ZDHHC17: variants seen among roughly 807,000 people sequenced by gnomAD.
ZDHHC17 encodes the protein palmitoyltransferase ZDHHC17.
In ZDHHC17, 40 loss-of-function variants were observed where a neutral mutation model predicts 90.3. The observed-to-expected ratio is 0.44, with a 90% CI of 0.34 to 0.58. The LOEUF (loss-of-function observed/expected upper bound fraction) is 0.58. Among genes scored for constraint, ZDHHC17 ranks in the 20% least tolerant of loss-of-function variants. The pLI is 0.01. For missense variants in ZDHHC17, 614 were observed against 780.8 expected, an observed-to-expected ratio of 0.79 and a Z score of 2.55; for synonymous variants, 235 against 252.4, an observed-to-expected ratio of 0.93 and a Z score of 0.65.
intron 10 of ZDHHC17, among the ~76,000 whole-genome samples, chr12:76,837,703 G>T (rs1288821249): frequency 2.6e-5 from 4 of 152,122 alleles, no homozygotes; most frequent in Non-Finnish European, 5.9e-5. Context: ...GAAATTTTCT[G>T]TTAGGATCTC....
intron 10 of ZDHHC17, 29 bp from the exon 11 acceptor site, chr12:76,841,953 G>A: frequency 7.0e-7 from 1 of 1,419,008 alleles, no homozygotes. Context: ...ATTTATCATT[G>A]CTTCTTTAGA....
At position 76,787,459 on chromosome 12, in the gene ZDHHC17, G is replaced by A. The variant is rs373199108; in HGVS notation, c.94-9975G>A. Reference sequence around the variant, plus strand: ...ATATTTGAATAAGGATGATTGAACAGCTTTATGATGAAGAAACACTAAATA... The same window carrying A: ...ATATTTGAATAAGGATGATTGAACAACTTTATGATGAAGAAACACTAAATA... On this transcript the variant is annotated intron_variant, in intron 1 of 16. Coordinates refer to ENST00000426126, the MANE Select transcript of ZDHHC17 (RefSeq NM_015336.4). Among the ~76,000 whole-genome samples the A allele has an allele frequency of 1.5e-4, 23 of 152,254 alleles. No homozygotes were observed. In the South Asian group the frequency reaches 4.8e-3, roughly 32 times the overall value.
chr12:76,768,743 T>C (rs530617669), intron 1 of ZDHHC17, among the ~76,000 whole-genome samples: 1 of 152,282 alleles, frequency 6.6e-6, no homozygotes, highest in South Asian at 2.1e-4. Context: ...CTCAGCTCTT[T>C]GATAGAATGA....
chr12:76,783,223 A>C (rs1254487693), intron 1 of ZDHHC17, among the ~76,000 whole-genome samples: 5 of 152,234 alleles, frequency 3.3e-5, no homozygotes, highest in Non-Finnish European at 7.3e-5. Flanking sequence ...AACTCCAGTC[A>C]TGTGTATTAG....
intron 7 of ZDHHC17, among the ~76,000 whole-genome samples, chr12:76,819,987 A>T (rs10862579): frequency 1.4e-5 from 2 of 148,128 alleles, no homozygotes; most frequent in Non-Finnish European, 3.0e-5. Context: ...GAGTGAAACT[A>T]TGTCTTAAAA....
intron 10 of ZDHHC17, 72 bp downstream of exon 10, chr12:76,828,562 G>C: frequency 7.6e-7 from 1 of 1,314,510 alleles, no homozygotes; most frequent in Non-Finnish European, 1.1e-6. Context: ...TTAATAATTT[G>C]ACATTAGGAC....
At chr12:76,803,229 A>G (rs1198932597) in intron 2 of ZDHHC17, among the ~76,000 whole-genome samples, 2 of 152,124 alleles carry the variant, frequency 1.3e-5, no homozygotes, top group Non-Finnish European at 1.5e-5. Context: ...CTCCAGCCTC[A>G]GTGACAGACT....
At chr12:76,803,702 T>C (rs2137754453) in intron 2 of ZDHHC17, among the ~76,000 whole-genome samples, 1 of 152,312 alleles carries the variant, frequency 6.6e-6, no homozygotes, top group South Asian at 2.1e-4. Context: ...ACAAATTCTT[T>C]TAATCCCGTT....
chr12:76,788,688 A>ATAT lies in ZDHHC17; in HGVS notation c.94-8745_94-8744insATT, dbSNP rs61663401. ...AAAATATATTTAAGTTGGAATCGCA[A>ATAT]TTTTTTTTTTTTTTTTTTTTTTTTT... On this transcript the variant is annotated intron_variant, in intron 1 of 16. Coordinates refer to ENST00000426126, the MANE Select transcript of ZDHHC17 (RefSeq NM_015336.4). 1.8e-3 allele frequency among the ~76,000 whole-genome samples: 180 copies of ATAT among 98,658 alleles called. 31 individuals carry two copies. The South Asian group carries it at 0.028, about 15-fold the overall frequency. 64.7% of individuals were successfully genotyped at this position (98,658 alleles called of 152,430 possible). A position where few individuals can be genotyped will look rare whatever the true frequency, so the allele number is the denominator to read the frequency against.
At chr12:76,848,607 C>A (rs1953523491) in intron 15 of ZDHHC17, among the ~76,000 whole-genome samples, 2 of 152,144 alleles carry the variant, frequency 1.3e-5, no homozygotes, top group African/African-American at 4.8e-5. Context: ...AAATTTTAAT[C>A]TGTTATTCCT....
In ZDHHC17 at chr12:76,853,221, C is replaced by T. The variant is rs1303623115; in HGVS notation, c.*2236C>T. 1 of 152,222 alleles carries T rather than the reference C, an allele frequency of 6.6e-6. No individual in the cohort carries two copies. Among genetic ancestry groups the T allele is most frequent in the Admixed American group, 6.5e-5 (1 of 15,276 alleles). The allele number at this position is 152,222 out of a possible 1,614,324, so 9.4% of individuals were successfully genotyped here. On this transcript the variant is annotated 3_prime_UTR_variant, in exon 17 of 17. Transcript: ENST00000426126. ...CTTGTAGTACCTGTGAAATCTATAA[C>T]TCAGAAATGGTCAGATGGTCAGGAG...
chr12:76,769,778 T>C (rs1032943078), intron 1 of ZDHHC17, among the ~76,000 whole-genome samples: 3 of 152,184 alleles, frequency 2.0e-5, no homozygotes, highest in South Asian at 4.1e-4. Context: ...TCAATAGATA[T>C]AAAATTAAAA....
rs1952395751 is a variant in ZDHHC17 at position 76,764,177 on chromosome 12, G to C, written c.-60G>C. ...GTCGCCTCCGGCGGGGCTCGCGCTC[G>C]CCCCGCGCTCGCCCTCCGCCTCGCC... On this transcript the variant is annotated 5_prime_UTR_variant, in exon 1 of 17. Coordinates refer to ENST00000426126, the MANE Select transcript of ZDHHC17 (RefSeq NM_015336.4). The C allele has an allele frequency of 2.3e-6, 3 of 1,293,932 alleles. No individual in the cohort carries two copies. The highest frequency in any genetic ancestry group is 3.0e-5 in the South Asian group (2 of 66,496). The allele number at this position is 1,293,932 out of a possible 1,614,324, so 80.2% of individuals were successfully genotyped here.
chr12:76,850,956 A>G lies in ZDHHC17; in HGVS notation c.1870A>G (p.Ile624Val). Residue 624 changes from isoleucine to valine, a missense_variant, in exon 17 of 17, where the codon ATA (isoleucine) becomes GTA (valine). By Grantham distance (29) the Ile-to-Val change is conservative. This residue lies in a region of ZDHHC17 where 28 missense variants were observed against 20.0 expected (regional missense o/e 1.40). Coordinates refer to ENST00000426126, the MANE Select transcript of ZDHHC17 (RefSeq NM_015336.4). ...GCAGTATACAATAGAATATGACCAAATATCAGGATCTGGGTACCAGCTGGT... is the reference window on the plus strand; with the variant it reads ...GCAGTATACAATAGAATATGACCAAGTATCAGGATCTGGGTACCAGCTGGT... ...TRQYTIEYDQISGSGYQLV is the reference protein window; with the variant it reads ...TRQYTIEYDQVSGSGYQLV 6.2e-7 allele frequency: 1 copy of G among 1,613,920 alleles called. No homozygotes were observed. The highest frequency in any genetic ancestry group is 8.5e-7 in the Non-Finnish European group (1 of 1,179,864).
At chr12:76,773,084 C>T (rs746546814) in intron 1 of ZDHHC17, among the ~76,000 whole-genome samples, 1 of 152,278 alleles carries the variant, frequency 6.6e-6, no homozygotes, top group Non-Finnish European at 1.5e-5. Context: ...TCTTGAACTC[C>T]TGACCTCAGG....
intron 1 of ZDHHC17, among the ~76,000 whole-genome samples, chr12:76,795,301 G>T (rs1290483246): frequency 4.7e-5 from 7 of 150,282 alleles, no homozygotes; most frequent in Non-Finnish European, 8.8e-5. Context: ...TTTTGTTGTT[G>T]TTGATCTTGA....
At chr12:76,810,426 T>C (rs1433149350) in intron 5 of ZDHHC17, among the ~76,000 whole-genome samples, 11 of 152,128 alleles carry the variant, frequency 7.2e-5, no homozygotes, top group African/African-American at 2.7e-4. Flanking sequence ...TGTCACCCAG[T>C]TTTTCTTTAG....
intron 10 of ZDHHC17, among the ~76,000 whole-genome samples, chr12:76,838,274 C>T (rs1326954857): frequency 1.3e-5 from 2 of 152,080 alleles, no homozygotes; most frequent in Non-Finnish European, 2.9e-5. Context: ...TTTGTGAATG[C>T]TGTGCACATT....
chr12:76,849,252 G>T, intron 15 of ZDHHC17, 124 bp from the exon 16 acceptor site: 2 of 473,014 alleles, frequency 4.2e-6, no homozygotes, highest in South Asian at 3.5e-5. Flanking sequence ...GGAATCACTT[G>T]AGCCCACCCA....
Sources: gnomAD v4.1 joint callset for allele counts (sites outside exome capture counted in the v4.1 genomes callset) on GRCh38, gnomAD v4.1.1 for gene constraint, gnomAD v4.1.1 regional missense constraint, MANE v1.5 for transcripts, NCBI Gene and HGNC (gene_info 2026-07-23, HGNC 2026-07-21) for gene names.